The following C18orf63 variants were observed in gnomAD, a reference collection of about 807,000 sequenced individuals.
C18orf63 encodes uncharacterized protein C18orf63.
Under a neutral mutation model 75.3 loss-of-function variants are expected in C18orf63, and 50 were observed. The observed-to-expected ratio is 0.66, with a 90% CI of 0.53 to 0.84. The LOEUF (loss-of-function observed/expected upper bound fraction) is 0.84, where lower values mean the gene tolerates loss of function less well. C18orf63 is among the 40% of genes least tolerant of loss of function. The probability of loss-of-function intolerance (pLI) is 0.00; values close to 1 mark genes in which losing one functional copy is unlikely to be tolerated. For synonymous variants in C18orf63, 232 were observed against 267.6 expected, an observed-to-expected ratio of 0.87 and a Z score of 1.30; for missense variants, 732 against 800.2, an observed-to-expected ratio of 0.91 and a Z score of 1.03.
chr18:74,353,283 A>T lies in C18orf63; in HGVS notation c.1016A>T (p.Lys339Ile), dbSNP rs1199948801. 3 of 1,536,268 alleles carry T rather than the reference A, an allele frequency of 2.0e-6. No individual in the cohort carries two copies. The highest frequency in any genetic ancestry group is 1.7e-6 in the Non-Finnish European group (2 of 1,146,852). Residue 339 changes from lysine to isoleucine, a missense_variant, in exon 12 of 14, where the codon AAA becomes ATA. Lys to Ile is a moderately radical substitution (Grantham distance 102). Transcript: ENST00000579455. ...AAGCCACCCAATTTGACCACTAAAAAAATGCTTAGGGCATCTCTGACTCAA... is the reference window on the plus strand; with the variant it reads ...AAGCCACCCAATTTGACCACTAAAATAATGCTTAGGGCATCTCTGACTCAA... The part of the protein sequence containing the change: ...KVKPPNLTTK[K>I]MLRASLTQAT...
At position 74,354,191 on chromosome 18, in the gene C18orf63, C is replaced by G; in HGVS notation, c.1924C>G (p.Pro642Ala). 2 of 1,536,182 alleles carry G rather than the reference C, an allele frequency of 1.3e-6. No homozygotes were observed. Among genetic ancestry groups the G allele is most frequent in the Non-Finnish European group, 1.7e-6 (2 of 1,146,888 alleles). Reference protein sequence around the residue: ...IAHRSKRKLCPESSKTSKKHH... With the variant: ...IAHRSKRKLCAESSKTSKKHH... Reference sequence around the variant, plus strand: ...CCACAGGTCTAAAAGAAAATTATGTCCAGAGTCTTCCAAAACTTCAAAGAA... The same window carrying G: ...CCACAGGTCTAAAAGAAAATTATGTGCAGAGTCTTCCAAAACTTCAAAGAA... The change falls in exon 12 of 14, where the codon CCA becomes GCA. Residue 642 changes from proline to alanine, a missense_variant. By Grantham distance (27) the Pro-to-Ala change is conservative. Transcript: ENST00000579455.
chr18:74,347,230 C>T (rs1238569171), intron 11 of C18orf63, among the ~76,000 whole-genome samples: 1 of 152,110 alleles, frequency 6.6e-6, no homozygotes, highest in Non-Finnish European at 1.5e-5. Context: ...CTGAGGTGGT[C>T]TAGTGCACAT....
intron 6 of C18orf63, among the ~76,000 whole-genome samples, chr18:74,330,222 T>G (rs1490604538): frequency 6.6e-6 from 1 of 152,244 alleles, no homozygotes; most frequent in Non-Finnish European, 1.5e-5. Flanking sequence ...ACACAAATTT[T>G]AAGTGTCTAG....
Position 74,353,714 on chromosome 18 carries a change from T to A in C18orf63, c.1447T>A (p.Leu483Ile). The A allele has an allele frequency of 6.5e-7, 1 of 1,536,044 alleles. No individual in the cohort carries two copies. Among genetic ancestry groups the A allele is most frequent in the Non-Finnish European group, 8.7e-7 (1 of 1,146,854 alleles). ...TSMIQHDKLN[L>I]GPAIKNRYSS... is the part of the protein sequence containing the mutation. Reference sequence around the variant, plus strand: ...TATGATCCAGCATGACAAACTGAATTTAGGTCCAGCTATAAAAAACCGTTA... The same window carrying A: ...TATGATCCAGCATGACAAACTGAATATAGGTCCAGCTATAAAAAACCGTTA... Residue 483 changes from leucine to isoleucine, a missense_variant, in exon 12 of 14, where the codon TTA becomes ATA. Around this residue, in one of 3 missense-constraint regions of C18orf63, gnomAD observed 495 missense variants for 508.7 expected, o/e 0.97. Transcript: ENST00000579455.
At chr18:74,322,781 C>T (rs1037315079) in intron 4 of C18orf63, 27 bp downstream of exon 4, 6 of 993,664 alleles carry the variant, frequency 6.0e-6, no homozygotes, top group African/African-American at 4.9e-5. Context: ...GATATTAATA[C>T]CATATGTTGT....
intron 8 of C18orf63, among the ~76,000 whole-genome samples, chr18:74,340,574 A>G (rs1284291149): frequency 6.6e-6 from 1 of 152,204 alleles, no homozygotes; most frequent in Non-Finnish European, 1.5e-5. Flanking sequence ...TTTCAGCATT[A>G]TTCATAACAG....
At chr18:74,326,621 T>C (rs969546261) in intron 4 of C18orf63, among the ~76,000 whole-genome samples, 2 of 152,208 alleles carry the variant, frequency 1.3e-5, no homozygotes, top group South Asian at 4.1e-4. Context: ...TACTGCAGCC[T>C]AGAAACCCTC....
At chr18:74,321,932 T>C (rs1469404857) in intron 3 of C18orf63, among the ~76,000 whole-genome samples, 2 of 152,218 alleles carry the variant, frequency 1.3e-5, no homozygotes, top group African/African-American at 2.4e-5. Context: ...CCTGGATATC[T>C]TTCCATGTCA....
chr18:74,350,405 A>C (rs1223839130), intron 11 of C18orf63, among the ~76,000 whole-genome samples: 1 of 152,144 alleles, frequency 6.6e-6, no homozygotes, highest in Non-Finnish European at 1.5e-5. Flanking sequence ...AAATGAAGTT[A>C]TACTGTAGTA....
intron 2 of C18orf63, 97 bp from the exon 3 acceptor site, chr18:74,320,416 T>C (rs1458892419): frequency 3.8e-6 from 3 of 787,402 alleles, no homozygotes; most frequent in Non-Finnish European, 4.0e-6. Context: ...ACCAGGTCCC[T>C]TGCCAACACT....
At chr18:74,318,861 C>T (rs965331006) in intron 2 of C18orf63, among the ~76,000 whole-genome samples, 2 of 151,406 alleles carry the variant, frequency 1.3e-5, no homozygotes, top group Non-Finnish European at 2.9e-5. Flanking sequence ...TACTGAGGAC[C>T]CTCCTTTAAA....
chr18:74,321,458 A>G (rs959158242), intron 3 of C18orf63, among the ~76,000 whole-genome samples: 13 of 152,030 alleles, frequency 8.6e-5, no homozygotes, highest in African/African-American at 2.9e-4. Flanking sequence ...GTGCATGCCA[A>G]CATGCACAGC....
Position 74,358,977 on chromosome 18 carries a change from C to T in C18orf63, c.*2530C>T, listed in dbSNP as rs1026841612. ...AGCTTTTATTTGACTAACCAGTTGA[C>T]CAATTTTGCTCTGTTTTCAAATTGC... On this transcript the variant is annotated 3_prime_UTR_variant, in exon 14 of 14. Transcript: ENST00000579455. The T allele has an allele frequency of 2.0e-5, 3 of 151,810 alleles. No homozygotes were observed. The highest frequency in any genetic ancestry group is 4.4e-5 in the Non-Finnish European group (3 of 67,928). 9.4% of individuals were successfully genotyped at this position (151,810 alleles called of 1,614,324 possible).
At chr18:74,340,571 A>G (rs545187188) in intron 8 of C18orf63, among the ~76,000 whole-genome samples, 17 of 152,226 alleles carry the variant, frequency 1.1e-4, no homozygotes, top group Non-Finnish European at 1.9e-4. Context: ...TCATTTCAGC[A>G]TTATTCATAA....
intron 2 of C18orf63, 141 bp from the exon 3 acceptor site, chr18:74,320,372 G>A (rs908344101): frequency 7.6e-6 from 4 of 524,898 alleles, no homozygotes; most frequent in Non-Finnish European, 1.3e-5. Context: ...GAGCAACAGG[G>A]GGGAAATCCG....
At chr18:74,340,992 C>T (rs978812781) in intron 8 of C18orf63, among the ~76,000 whole-genome samples, 2 of 152,060 alleles carry the variant, frequency 1.3e-5, no homozygotes, top group Non-Finnish European at 2.9e-5. Flanking sequence ...GGGCCGGGCG[C>T]GGTGGCTCAC....
chr18:74,329,391 A>AAC (rs1984266490), intron 6 of C18orf63, among the ~76,000 whole-genome samples: 2 of 148,680 alleles, frequency 1.3e-5, no homozygotes, highest in African/African-American at 2.5e-5. Flanking sequence ...AAAAAAAAAA[A>AAC]AAAAACCAGT....
intron 1 of C18orf63, among the ~76,000 whole-genome samples, chr18:74,316,634 T>C (rs971490129): frequency 1.5e-4 from 23 of 152,116 alleles, no homozygotes; most frequent in Non-Finnish European, 2.9e-4. Flanking sequence ...CTTGCCCTGC[T>C]GGGGATTGGG....
chr18:74,322,222 C>T (rs527757047), intron 3 of C18orf63, among the ~76,000 whole-genome samples: 2 of 152,274 alleles, frequency 1.3e-5, no homozygotes, highest in African/African-American at 4.8e-5. Flanking sequence ...TGGGAGGAAA[C>T]CTGTTTTTCC....
Sources: allele counts gnomAD v4.1 joint callset (sites outside exome capture counted in the v4.1 genomes callset), GRCh38; gene constraint gnomAD v4.1.1; regional missense constraint gnomAD v4.1.1; transcripts MANE v1.5; gene names NCBI Gene and HGNC (gene_info 2026-07-23, HGNC 2026-07-21).